ZC3HAV1: variants seen among roughly 807,000 people sequenced by gnomAD.
ZC3HAV1 encodes the protein zinc finger CCCH-type antiviral protein 1.
In ZC3HAV1, 41 loss-of-function variants were observed where a neutral mutation model predicts 86.6. The ratio of observed to expected loss-of-function variants is 0.47; its 90% confidence interval spans 0.37 to 0.61. ZC3HAV1 has a LOEUF of 0.61. Ranked by LOEUF, ZC3HAV1 falls within the 20% of genes least tolerant of loss-of-function variation. ZC3HAV1 has a pLI of 0.00. For synonymous variants in ZC3HAV1, 421 were observed against 432.1 expected (o/e 0.97, Z 0.32); for missense variants, 964 against 1,141.1 (o/e 0.84, Z 2.24).
At position 139,079,993 on chromosome 7, in the gene ZC3HAV1, A is replaced by G; in HGVS notation, c.948T>C (p.Thr316=). 1.9e-6 allele frequency: 3 copies of G among 1,614,200 alleles called. No homozygotes were observed. Among genetic ancestry groups the G allele is most frequent in the Non-Finnish European group, 1.7e-6 (2 of 1,180,038 alleles). Residue 316 remains threonine (T), a synonymous_variant, in exon 4 of 13, where the codon ACT becomes ACC. Transcript: ENST00000242351. ...CGGCCTGACTTGTTCCTCCAAGATC[A>G]GTAGCCTTGGACGAGCCTGAGGGAG... is the stretch of plus-strand genomic sequence containing the variant. ...ARPPSGSSKA[T]DLGGTSQAGT...
chr7:139,048,735 T>A (rs1295538643), intron 12 of ZC3HAV1, among the ~76,000 whole-genome samples: 1 of 152,238 alleles, frequency 6.6e-6, no homozygotes, highest in Non-Finnish European at 1.5e-5. Flanking sequence ...AACAAATGTT[T>A]AATATACTTC....
intron 8 of ZC3HAV1, among the ~76,000 whole-genome samples, chr7:139,063,553 T>C (rs780706550): frequency 6.6e-6 from 1 of 151,640 alleles, no homozygotes; most frequent in Non-Finnish European, 1.5e-5. Context: ...GAGATCCCCA[T>C]CTGTACAAAA....
In ZC3HAV1 at chr7:139,046,238, A is replaced by C. The variant is rs1039790364; in HGVS notation, c.*1356T>G. On this transcript the variant is annotated 3_prime_UTR_variant, in exon 13 of 13. Coordinates refer to ENST00000242351, the MANE Select transcript of ZC3HAV1 (RefSeq NM_020119.4). ...GGAAAAAGAAGCTCCTGGTAGACAC[A>C]GGGCCTCTTTGGGATATTGTTCTTT... The C allele has an allele frequency of 6.6e-6, 1 of 152,154 alleles. No homozygotes were observed. The highest frequency in any genetic ancestry group is 1.5e-5 in the Non-Finnish European group (1 of 68,026). 9.4% of individuals were successfully genotyped at this position (152,154 alleles called of 1,614,324 possible). A position where few individuals can be genotyped will look rare whatever the true frequency, so the allele number is the denominator to read the frequency against.
chr7:139,059,161 A>T (rs1274624431), intron 9 of ZC3HAV1, among the ~76,000 whole-genome samples: 1 of 152,064 alleles, frequency 6.6e-6, no homozygotes, highest in African/African-American at 2.4e-5. Context: ...GCCCCTCCCC[A>T]TCCTCCTACT....
rs1486522219 is a variant in ZC3HAV1 at position 139,089,693 on chromosome 7, T to C, written c.375A>G (p.Glu125=). The C allele has an allele frequency of 1.2e-6, 2 of 1,612,946 alleles. No individual in the cohort carries two copies. The highest frequency in any genetic ancestry group is 1.7e-6 in the Non-Finnish European group (2 of 1,179,568). ...EENFKVLKNH[E]LSGLNKEELA... ...ATTCCTCTTTGTTCAGTCCAGAGAG[T>C]TCGTGATTTTTCAGGACTTTGAAGT... Residue 125 remains glutamate (E), a synonymous_variant, in exon 2 of 13, where the codon GAA becomes GAG. Coordinates refer to ENST00000242351, the MANE Select transcript of ZC3HAV1 (RefSeq NM_020119.4).
chr7:139,104,661 T>C (rs1205775505), intron 1 of ZC3HAV1, among the ~76,000 whole-genome samples: 1 of 133,110 alleles, frequency 7.5e-6, no homozygotes, highest in East Asian at 2.3e-4. Flanking sequence ...AGGCGGAGGT[T>C]GCAGCGAGCT....
chr7:139,079,112 G>C (rs1327740660), intron 4 of ZC3HAV1: 3 of 1,536,010 alleles, frequency 2.0e-6, no homozygotes, highest in Non-Finnish European at 2.6e-6. Flanking sequence ...ACACTGAGCA[G>C]AGCCTGTTGT....
rs558143231 is a variant in ZC3HAV1, at chr7:139,104,267, G to C, written c.308+4757C>G. On this transcript the variant is annotated intron_variant, in intron 1 of 12. Transcript: ENST00000242351. The stretch of plus-strand genomic sequence containing the variant: ...AAAGGAAAGACATACAAACAGGAAA[G>C]AACCCAGAGGAAACACCCACATCGG... Among the ~76,000 whole-genome samples the C allele has an allele frequency of 8.5e-5, 12 of 141,758 alleles. No individual in the cohort carries two copies. The South Asian group carries it at 2.7e-3, about 32-fold the overall frequency. The allele number at this position is 141,758 out of a possible 152,430, so 93.0% of individuals were successfully genotyped here.
At chr7:139,090,164 A>C (rs1007525001) in intron 1 of ZC3HAV1, among the ~76,000 whole-genome samples, 2 of 152,094 alleles carry the variant, frequency 1.3e-5, no homozygotes, top group African/African-American at 4.8e-5. Context: ...CAGGTGATCC[A>C]TCCGCCTCAG....
chr7:139,080,096 C>A lies in ZC3HAV1; in HGVS notation c.845G>T (p.Arg282Met), dbSNP rs1817083762. Reference protein sequence around the residue: ...CTPSPDQISHRASLEDAPVDD... With the variant: ...CTPSPDQISHMASLEDAPVDD... ...CACAGGCGCGTCCTCCAGGGAAGCC[C>A]TGTGGCTGATCTGATCTGGACTAGG... The change falls in exon 4 of 13, where the codon AGG becomes ATG. Residue 282 changes from arginine (R) to methionine (M), a missense_variant. By Grantham distance (91) the Arg-to-Met change is moderately conservative (BLOSUM62 -1). Transcript: ENST00000242351. 2 of 1,614,076 alleles carry A rather than the reference C, an allele frequency of 1.2e-6. No homozygotes were observed. The highest frequency in any genetic ancestry group is 2.2e-5 in the South Asian group (2 of 91,092).
At chr7:139,101,830 A>G (rs564175689) in intron 1 of ZC3HAV1, among the ~76,000 whole-genome samples, 4 of 152,026 alleles carry the variant, frequency 2.6e-5, no homozygotes, top group South Asian at 4.2e-4. Context: ...AAGAGTCATC[A>G]CCACTCCCTA....
chr7:139,054,626 C>G (rs1375185789), intron 10 of ZC3HAV1, among the ~76,000 whole-genome samples: 1 of 152,182 alleles, frequency 6.6e-6, no homozygotes, highest in African/African-American at 2.4e-5. Context: ...ATATCCATTT[C>G]ACATGGCTGT....
At chr7:139,054,216 G>T in intron 10 of ZC3HAV1, 121 bp from the exon 11 acceptor site, 1 of 1,029,088 alleles carries the variant, frequency 9.7e-7, no homozygotes. Context: ...ACAGCAGATA[G>T]GATGAGCTGG....
At chr7:139,077,332 C>T (rs1420462698) in intron 5 of ZC3HAV1, among the ~76,000 whole-genome samples, 1 of 152,224 alleles carries the variant, frequency 6.6e-6, no homozygotes, top group Non-Finnish European at 1.5e-5. Flanking sequence ...CAACCTCCAC[C>T]TCCCGGGTTC....
intron 12 of ZC3HAV1, 28 bp downstream of exon 12, chr7:139,053,423 A>T: frequency 1.3e-6 from 2 of 1,550,170 alleles, no homozygotes; most frequent in South Asian, 2.5e-5. Context: ...TGACTCTACT[A>T]GTTACGCTTC....
At chr7:139,101,611 A>T (rs907725555) in intron 1 of ZC3HAV1, among the ~76,000 whole-genome samples, 4 of 148,120 alleles carry the variant, frequency 2.7e-5, no homozygotes, top group African/African-American at 1.0e-4. Flanking sequence ...TCGGATTGTT[A>T]CTGTGTCTGT....
chr7:139,050,429 AGGATCTCAG>A (rs1816089854), intron 12 of ZC3HAV1, among the ~76,000 whole-genome samples: 1 of 152,026 alleles, frequency 6.6e-6, no homozygotes, highest in African/African-American at 2.4e-5. Context: ...GTGCAGTGGC[AGGATCTCAG>A]CTCACTGCAG....
At chr7:139,053,826 T>C in intron 11 of ZC3HAV1, 139 bp downstream of exon 11, 2 of 582,002 alleles carry the variant, frequency 3.4e-6, no homozygotes, top group Non-Finnish European at 4.8e-6. Flanking sequence ...GTTGATAGAA[T>C]GAAAAAAAAA....
Position 139,069,798 on chromosome 7 carries a change from G to A in ZC3HAV1, c.1872+4058C>T, listed in dbSNP as rs3778776. ...TTTCTACTCCTCACGTTCCTCTTAG[G>A]GAGGTTCCAACCCACAACTCTTAGT... On this transcript the variant is annotated intron_variant, in intron 7 of 12. Coordinates refer to ENST00000242351, the MANE Select transcript of ZC3HAV1 (RefSeq NM_020119.4). Among the ~76,000 whole-genome samples the A allele has an allele frequency of 8.5e-5, 13 of 152,236 alleles. No homozygotes were observed. In the East Asian group the frequency reaches 2.5e-3, roughly 29 times the overall value.
Sources: allele counts gnomAD v4.1 joint callset (sites outside exome capture counted in the v4.1 genomes callset), GRCh38; gene constraint gnomAD v4.1.1; transcripts MANE v1.5; gene names NCBI Gene and HGNC (gene_info 2026-07-23, HGNC 2026-07-21).